Variants in TCTN3 observed in about 807,000 individuals in gnomAD.
TCTN3 encodes the protein tectonic-3.
TCTN3 carries 57 observed loss-of-function variants against 71.3 expected under a neutral mutation model. That is an observed-to-expected ratio of 0.80 (90% CI 0.65 to 1.00). TCTN3 has a LOEUF of 1.00. Ranked by LOEUF, TCTN3 falls within the 50% of genes least tolerant of loss-of-function variation. The probability of loss-of-function intolerance (pLI) is 0.00; values close to 1 mark genes in which losing one functional copy is unlikely to be tolerated. For missense variants in TCTN3, 696 were observed against 719.9 expected (o/e 0.97, Z 0.38); for synonymous variants, 258 against 267.8 (o/e 0.96, Z 0.36).
At position 95,685,580 on chromosome 10, in the gene TCTN3, G is replaced by A. The variant is rs763364836; in HGVS notation, c.945C>T (p.Asn315=). 2.6e-6 allele frequency: 4 copies of A among 1,551,500 alleles called. No homozygotes were observed. The highest frequency in any genetic ancestry group is 2.4e-5 in the South Asian group (2 of 84,058). The stretch of plus-strand genomic sequence containing the variant: ...CCTGAGAAACTACATTCTGACAAGT[G>A]TTTCCAGCCAACAGAGGAGCATTAG... ...SQANAPLLAG[N]TCQNVVSQVT... is the part of the protein sequence containing the mutation. The change falls in exon 8 of 14, where the codon AAC becomes AAT. Residue 315 remains asparagine (N), a synonymous_variant. Transcript: ENST00000371217.
chr10:95,675,729 A>C (rs1589607597), intron 13 of TCTN3, among the ~76,000 whole-genome samples: 1 of 152,220 alleles, frequency 6.6e-6, no homozygotes, highest in East Asian at 1.9e-4. Flanking sequence ...AACAAAAAGG[A>C]GAAAGAGAAT....
In TCTN3 at chr10:95,663,948, G is replaced by A; in HGVS notation, c.*119C>T. 1.3e-6 allele frequency: 1 copy of A among 755,696 alleles called. No homozygotes were observed. Among genetic ancestry groups the A allele is most frequent in the South Asian group, 1.7e-5 (1 of 58,410 alleles). The allele number at this position is 755,696 out of a possible 1,614,324, so 46.8% of individuals were successfully genotyped here. ...CATATACAAGGATTCCTTCAGTTAG[G>A]TCCTCTATTATCCTAAATGCTCTCT... On this transcript the variant is annotated 3_prime_UTR_variant, in exon 14 of 14. Transcript: ENST00000371217.
rs577647958 is a variant in TCTN3 at position 95,683,360 on chromosome 10, G to A, written c.1203+162C>T. The A allele has an allele frequency of 7.3e-6, 11 of 1,507,548 alleles. No homozygotes were observed. The East Asian group carries it at 2.2e-4, about 30-fold the overall frequency. The allele number at this position is 1,507,548 out of a possible 1,614,324, so 93.4% of individuals were successfully genotyped here. On this transcript the variant is annotated intron_variant, in intron 10 of 13. Transcript: ENST00000371217. ...TTTTTTCCTCAGAAAACCACAGAGA[G>A]ACAACTAGATTCCAAAAATGATTAA...
At chr10:95,683,691 C>A in intron 9 of TCTN3, 62 bp from the exon 10 acceptor site, 5 of 1,445,710 alleles carry the variant, frequency 3.5e-6, no homozygotes, top group Non-Finnish European at 4.7e-6. Context: ...CCTCCCACTG[C>A]TTGGCTTCAC....
chr10:95,672,558 A>G (rs1332234285), intron 13 of TCTN3, among the ~76,000 whole-genome samples: 1 of 152,006 alleles, frequency 6.6e-6, no homozygotes, highest in Non-Finnish European at 1.5e-5. Flanking sequence ...TGTTTTAGCC[A>G]TTCTTGTGAG....
At chr10:95,689,339 T>C (rs1215314503) in intron 3 of TCTN3, among the ~76,000 whole-genome samples, 1 of 152,214 alleles carries the variant, frequency 6.6e-6, no homozygotes, top group African/African-American at 2.4e-5. Context: ...AAAGCATTGC[T>C]CTGAAACAGG....
chr10:95,686,274 A>G (rs1247192652), intron 7 of TCTN3, among the ~76,000 whole-genome samples: 2 of 152,188 alleles, frequency 1.3e-5, no homozygotes, highest in African/African-American at 4.8e-5. Flanking sequence ...ATTTAACCCA[A>G]TGTTTACAAA....
In TCTN3 at chr10:95,677,817, C is replaced by T. The variant is rs144773806; in HGVS notation, c.1590+2655G>A. Among the ~76,000 whole-genome samples, 6 of 152,190 alleles carry T rather than the reference C, an allele frequency of 3.9e-5. No homozygotes were observed. In the East Asian group the frequency reaches 1.2e-3, roughly 29 times the overall value. On this transcript the variant is annotated intron_variant, in intron 13 of 13. Transcript: ENST00000371217. ...TCTAAAAGTGGATATCACCATTCAGCAACTGAAGATTTTATGCCATGCAGG... is the reference window on the plus strand; with the variant it reads ...TCTAAAAGTGGATATCACCATTCAGTAACTGAAGATTTTATGCCATGCAGG...
intron 13 of TCTN3, among the ~76,000 whole-genome samples, chr10:95,675,162 G>A (rs537829093): frequency 1.3e-4 from 20 of 152,232 alleles, no homozygotes; most frequent in East Asian, 3.9e-4. Context: ...GCGCGATCTC[G>A]GCTCACTGCA....
Position 95,693,878 on chromosome 10 carries a change from G to C in TCTN3, c.22C>G (p.Leu8Val), listed in dbSNP as rs957350692. 9.0e-6 allele frequency: 14 copies of C among 1,551,728 alleles called. No homozygotes were observed. In the South Asian group the frequency reaches 1.4e-4, roughly 16 times the overall value. Residue 8 changes from leucine to valine, a missense_variant, in exon 1 of 14, where the codon CTC becomes GTC. Physicochemically the swap from Leu to Val is conservative, Grantham distance 32. Transcript: ENST00000371217. The part of the protein sequence containing the change: MRTPQLA[L>V]LQVFFLVFPD... The stretch of plus-strand genomic sequence containing the variant: ...AACACCAGAAAGAACACTTGCAGGA[G>C]CGCGAGCTGTGGGGTGCGCATGGGG...
chr10:95,693,087 G>T (rs1353344437), intron 2 of TCTN3, 49 bp from the exon 3 acceptor site: 2 of 1,434,686 alleles, frequency 1.4e-6, no homozygotes, highest in Admixed American at 1.9e-5. Context: ...GGCGGGGCAG[G>T]TCCAAAAAAG....
intron 3 of TCTN3, among the ~76,000 whole-genome samples, chr10:95,691,179 C>CT (rs1313201454): frequency 6.6e-6 from 1 of 152,102 alleles, no homozygotes; most frequent in Non-Finnish European, 1.5e-5. Context: ...AGACAACTTT[C>CT]TTTTTTTGAG....
At chr10:95,686,464 T>C (rs2097948359) in intron 7 of TCTN3, 31 bp downstream of exon 7, 2 of 1,612,760 alleles carry the variant, frequency 1.2e-6, no homozygotes, top group South Asian at 1.1e-5. Flanking sequence ...AAATATTCTT[T>C]TTCTTTTTTC....
At chr10:95,685,767 C>A in intron 7 of TCTN3, 131 bp from the exon 8 acceptor site, 1 of 654,190 alleles carries the variant, frequency 1.5e-6, no homozygotes, top group Non-Finnish European at 2.6e-6. Flanking sequence ...TCTTCCAGTG[C>A]CAGCCAACAA....
intron 3 of TCTN3, among the ~76,000 whole-genome samples, chr10:95,690,649 A>G (rs968501636): frequency 1.3e-5 from 2 of 152,230 alleles, no homozygotes; most frequent in Non-Finnish European, 2.9e-5. Context: ...GTAATGCTAA[A>G]AGAGCCAGGA....
chr10:95,681,786 TATAAA>T (rs2097943275), intron 12 of TCTN3, among the ~76,000 whole-genome samples: 1 of 152,212 alleles, frequency 6.6e-6, no homozygotes, highest in African/African-American at 2.4e-5. Flanking sequence ...TATTCAAGAA[TATAAA>T]ATATTTGAAA....
intron 10 of TCTN3, 85 bp from the exon 11 acceptor site, chr10:95,683,280 T>C (rs913391321): frequency 6.6e-7 from 1 of 1,523,214 alleles, no homozygotes; most frequent in African/African-American, 1.4e-5. Flanking sequence ...TCATTCTCCT[T>C]TAATGCTATT....
At chr10:95,684,183 A>G (rs2097945995) in intron 9 of TCTN3, among the ~76,000 whole-genome samples, 2 of 152,210 alleles carry the variant, frequency 1.3e-5, no homozygotes, top group African/African-American at 4.8e-5. Flanking sequence ...GAGAACAGCT[A>G]GTTAAAGAAT....
chr10:95,671,131 G>T (rs1004004996), intron 13 of TCTN3, among the ~76,000 whole-genome samples: 1 of 152,180 alleles, frequency 6.6e-6, no homozygotes, highest in African/African-American at 2.4e-5. Flanking sequence ...TGTGCAACAG[G>T]AAGAGCACTG....
Sources: gnomAD v4.1 joint callset for allele counts (sites outside exome capture counted in the v4.1 genomes callset) on GRCh38, gnomAD v4.1.1 for gene constraint, MANE v1.5 for transcripts, NCBI Gene and HGNC (gene_info 2026-07-23, HGNC 2026-07-21) for gene names.